Variants in HTR5A observed in about 807,000 individuals in gnomAD.
HTR5A encodes the protein 5-hydroxytryptamine receptor 5A.
Under a neutral mutation model 24.3 loss-of-function variants are expected in HTR5A, and 21 were observed. The observed-to-expected ratio is 0.86, with a 90% CI of 0.61 to 1.24. The LOEUF (loss-of-function observed/expected upper bound fraction) is 1.24. Ranked by LOEUF, HTR5A falls within the 50% of genes most tolerant of loss-of-function variation. The pLI, the probability that HTR5A is intolerant of heterozygous loss-of-function variation, is 0.00. For synonymous variants in HTR5A, 260 were observed against 213.7 expected (o/e 1.22, Z -1.89); for missense variants, 497 against 489.5 (o/e 1.02, Z -0.15).
rs185498441 is a variant in HTR5A at position 155,074,059 on chromosome 7, G to A, written c.741+2419G>A. 2.1e-3 allele frequency among the ~76,000 whole-genome samples: 326 copies of A among 151,802 alleles called. 1 individual carries two copies. The highest frequency in any genetic ancestry group is 3.1e-3 in the Non-Finnish European group (210 of 67,936). On this transcript the variant is annotated intron_variant, in intron 1 of 1. Coordinates refer to ENST00000287907, the MANE Select transcript of HTR5A (RefSeq NM_024012.4). ...CCTCTGTCCTTATGTTATGTTGAAG[G>A]GTTAATTACAAACCAGGCCTCCTGA...
intron 1 of HTR5A, among the ~76,000 whole-genome samples, chr7:155,078,381 CA>C (rs1393834138): frequency 6.6e-6 from 1 of 152,166 alleles, no homozygotes; most frequent in Admixed American, 6.5e-5. Flanking sequence ...TGGGTATACA[CA>C]AATATGCTGC....
chr7:155,077,089 A>G (rs143920821), intron 1 of HTR5A: 1 of 152,348 alleles, frequency 6.6e-6, no homozygotes, highest in East Asian at 1.9e-4. Context: ...TCTCTTGTCC[A>G]TAGAGATTCT....
chr7:155,073,850 C>CAT (rs780884457), intron 1 of HTR5A, among the ~76,000 whole-genome samples: 2 of 92,706 alleles, frequency 2.2e-5, no homozygotes, highest in Non-Finnish European at 4.5e-5. Flanking sequence ...CATATATATA[C>CAT]ATATGTGTGT....
chr7:155,070,724 T>C lies in HTR5A; in HGVS notation c.-176T>C, dbSNP rs3734966. 0.1 allele frequency: 72,044 copies of C among 687,090 alleles called. 4,970 individuals carry two copies. Among genetic ancestry groups the C allele is most frequent in the African/African-American group, 0.26 (14,782 of 56,190 alleles). The allele number at this position is 687,090 out of a possible 1,614,324, so 42.6% of individuals were successfully genotyped here. A position where few individuals can be genotyped will look rare whatever the true frequency, so the allele number is the denominator to read the frequency against. ...ACCTGCCGCGCTTGCAGCCACACCATCTCCAACGGATGCTCACTAGCAGGA... is the reference window on the plus strand; with the variant it reads ...ACCTGCCGCGCTTGCAGCCACACCACCTCCAACGGATGCTCACTAGCAGGA... On this transcript the variant is annotated 5_prime_UTR_variant, in exon 1 of 2. Transcript: ENST00000287907.
chr7:155,072,926 G>A (rs567898672), intron 1 of HTR5A, among the ~76,000 whole-genome samples: 1 of 152,270 alleles, frequency 6.6e-6, no homozygotes, highest in African/African-American at 2.4e-5. Flanking sequence ...AAAACGAGGG[G>A]TCAGAGGCTA....
At chr7:155,078,015 G>A (rs926872432) in intron 1 of HTR5A, among the ~76,000 whole-genome samples, 2 of 152,104 alleles carry the variant, frequency 1.3e-5, no homozygotes, top group Non-Finnish European at 2.9e-5. Flanking sequence ...TAACTTCCTT[G>A]GAGTGGCTTT....
chr7:155,075,833 T>G (rs2150818479), intron 1 of HTR5A, among the ~76,000 whole-genome samples: 1 of 150,904 alleles, frequency 6.6e-6, no homozygotes, highest in Middle Eastern at 3.4e-3. Flanking sequence ...GCAGGCATTA[T>G]TTACTATGAC....
chr7:155,074,052 G>C (rs1258907409), intron 1 of HTR5A, among the ~76,000 whole-genome samples: 1 of 151,820 alleles, frequency 6.6e-6, no homozygotes, highest in East Asian at 1.9e-4. Context: ...CTTATGTTAT[G>C]TTGAAGGGTT....
At chr7:155,072,851 A>G (rs546518902) in intron 1 of HTR5A, among the ~76,000 whole-genome samples, 33 of 152,262 alleles carry the variant, frequency 2.2e-4, no homozygotes, top group Admixed American at 2.0e-3. Context: ...AGTCAGTCAA[A>G]CTTAGAGGGA....
Position 155,084,425 on chromosome 7 carries a change from T to G in HTR5A, c.1012T>G (p.Tyr338Asp), listed in dbSNP as rs1563423656. The G allele has an allele frequency of 6.2e-7, 1 of 1,614,174 alleles. No homozygotes were observed. Residue 338 changes from tyrosine (Y) to aspartate (D), a missense_variant, in exon 2 of 2, where the codon TAT becomes GAT. Physicochemically the swap from Tyr to Asp is radical, Grantham distance 160. Transcript: ENST00000287907. The part of the protein sequence containing the change: ...YSNSFFNPLI[Y>D]TAFNKNYNSA... ...CAACTCCTTCTTTAACCCCCTGATC[T>G]ATACGGCTTTCAACAAGAACTACAA...
intron 1 of HTR5A, among the ~76,000 whole-genome samples, chr7:155,075,404 A>T (rs530339243): frequency 2.6e-5 from 4 of 152,362 alleles, no homozygotes; most frequent in Admixed American, 2.6e-4. Flanking sequence ...CTGCAGAAGC[A>T]TGTAAAGTTC....
In HTR5A at chr7:155,070,501, C is replaced by T. The variant is rs1186091682; in HGVS notation, c.-399C>T. Reference sequence around the variant, plus strand: ...AGACAACGCGGTGAGAGCGACTGCTCTGACGCACCAGCCCCTCTCCTGCAC... The same window carrying T: ...AGACAACGCGGTGAGAGCGACTGCTTTGACGCACCAGCCCCTCTCCTGCAC... On this transcript the variant is annotated 5_prime_UTR_variant, in exon 1 of 2. Transcript: ENST00000287907. The T allele has an allele frequency of 5.2e-6, 2 of 382,298 alleles. No individual in the cohort carries two copies. Among genetic ancestry groups the T allele is most frequent in the Non-Finnish European group, 1.0e-5 (2 of 195,180 alleles). The allele number at this position is 382,298 out of a possible 1,614,324, so 23.7% of individuals were successfully genotyped here. A position where few individuals can be genotyped will look rare whatever the true frequency, so the allele number is the denominator to read the frequency against.
In HTR5A at chr7:155,084,201, A is replaced by G. The variant is rs770293896; in HGVS notation, c.788A>G (p.His263Arg). 1 of 1,613,674 alleles carries G rather than the reference A, an allele frequency of 6.2e-7. No individual in the cohort carries two copies. Among genetic ancestry groups the G allele is most frequent in the Non-Finnish European group, 8.5e-7 (1 of 1,179,896 alleles). The change falls in exon 2 of 2, where the codon CAC becomes CGC. Residue 263 changes from histidine to arginine, a missense_variant. Physicochemically the swap from His to Arg is conservative, Grantham distance 29. Transcript: ENST00000287907. ...CCCCAGATGGTGTTCACGGTCCGCC[A>G]CGCCACCGTCACCTTCCAGCCAGAA... ...KQPQMVFTVRHATVTFQPEGD... is the reference protein window; with the variant it reads ...KQPQMVFTVRRATVTFQPEGD...
rs1795466503 is a variant in HTR5A, at chr7:155,085,422, C to T, written c.*935C>T. The T allele has an allele frequency of 6.6e-6, 1 of 152,198 alleles. No homozygotes were observed. The highest frequency in any genetic ancestry group is 2.4e-5 in the African/African-American group (1 of 41,446). The allele number at this position is 152,198 out of a possible 1,614,324, so 9.4% of individuals were successfully genotyped here. On this transcript the variant is annotated 3_prime_UTR_variant, in exon 2 of 2. Coordinates refer to ENST00000287907, the MANE Select transcript of HTR5A (RefSeq NM_024012.4). Reference sequence around the variant, plus strand: ...TGACCAATGACTATGAAGGCACATTCACCAAACACAGGCACTTTAAGGGCA... The same window carrying T: ...TGACCAATGACTATGAAGGCACATTTACCAAACACAGGCACTTTAAGGGCA...
Position 155,070,560 on chromosome 7 carries a change from T to G in HTR5A, c.-340T>G. ...TGCTGGCCGCCCAGCTTCTCCCCGA[T>G]CTGGGAGATGCTCGGCTCTGGGCGG... On this transcript the variant is annotated 5_prime_UTR_variant, in exon 1 of 2. Coordinates refer to ENST00000287907, the MANE Select transcript of HTR5A (RefSeq NM_024012.4). 3 of 381,396 alleles carry G rather than the reference T, an allele frequency of 7.9e-6. No individual in the cohort carries two copies. Among genetic ancestry groups the G allele is most frequent in the Non-Finnish European group, 1.5e-5 (3 of 201,396 alleles). 23.6% of individuals were successfully genotyped at this position (381,396 alleles called of 1,614,324 possible). A position where few individuals can be genotyped will look rare whatever the true frequency, so the allele number is the denominator to read the frequency against.
rs1209395471 is a variant in HTR5A, at chr7:155,071,470, G to T, written c.571G>T (p.Glu191Ter). 1 of 1,614,208 alleles carries T rather than the reference G, an allele frequency of 6.2e-7. No individual in the cohort carries two copies. The highest frequency in any genetic ancestry group is 2.2e-5 in the East Asian group (1 of 44,872). ...AGAGACGTACTCTGAGGGCAGCGAGGAGTGCCAGGTAAGCCGCGAGCCTTC... is the reference window on the plus strand; with the variant it reads ...AGAGACGTACTCTGAGGGCAGCGAGTAGTGCCAGGTAAGCCGCGAGCCTTC... ...WGETYSEGSE[E>*]CQVSREPSYA... The change falls in exon 1 of 2, where the codon GAG (glutamate) becomes TAG (stop). Residue 191 changes from glutamate (E) to a stop codon, truncating the protein, a stop_gained. Transcript: ENST00000287907. LOFTEE classifies it high-confidence loss of function.
In HTR5A at chr7:155,071,619, A is replaced by T. The variant is rs963226176; in HGVS notation, c.720A>T (p.Ser240=). The part of the protein sequence containing the change: ...RVGSRKTNSV[S]PISEAVEVKD... ...GCTCCAGGAAGACCAATAGCGTCTC[A>T]CCCATATCCGAAGCTGTGGAGGTGG... The change falls in exon 1 of 2, where the codon TCA becomes TCT. Residue 240 remains serine, a synonymous_variant. Coordinates refer to ENST00000287907, the MANE Select transcript of HTR5A (RefSeq NM_024012.4). 42 of 1,613,832 alleles carry T rather than the reference A, an allele frequency of 2.6e-5. No homozygotes were observed. Among genetic ancestry groups the T allele is most frequent in the Non-Finnish European group, 3.5e-5 (41 of 1,179,912 alleles).
In HTR5A at chr7:155,084,478, G is replaced by A; in HGVS notation, c.1065G>A (p.Arg355=). 1 of 1,610,268 alleles carries A rather than the reference G, an allele frequency of 6.2e-7. No homozygotes were observed. Among genetic ancestry groups the A allele is most frequent in the South Asian group, 1.1e-5 (1 of 90,710 alleles). ...YNSAFKNFFS[R]QH is the part of the protein sequence containing the mutation. ...GCGCCTTCAAGAACTTCTTTTCTAG[G>A]CAACACTGAGGGAGAGGACCAGGAT... Residue 355 remains arginine, a synonymous_variant, in exon 2 of 2, where the codon AGG becomes AGA. Coordinates refer to ENST00000287907, the MANE Select transcript of HTR5A (RefSeq NM_024012.4).
At chr7:155,082,864 A>G (rs1369570155) in intron 1 of HTR5A, among the ~76,000 whole-genome samples, 2 of 152,104 alleles carry the variant, frequency 1.3e-5, no homozygotes, top group Admixed American at 1.3e-4. Flanking sequence ...AGAAAGTGAG[A>G]TTTTCAATGC....
Sources: gnomAD v4.1 joint callset for allele counts (sites outside exome capture counted in the v4.1 genomes callset) on GRCh38, gnomAD v4.1.1 for gene constraint, MANE v1.5 for transcripts, NCBI Gene and HGNC (gene_info 2026-07-23, HGNC 2026-07-21) for gene names.